Variants in KLC1 observed in about 807,000 individuals in gnomAD.
KLC1 encodes the protein kinesin light chain 1, also known as kinesin 2 60/70kDa.
A neutral mutation model predicts 84.2 loss-of-function variants in KLC1; 30 were observed. The ratio of observed to expected loss-of-function variants is 0.36; its 90% CI spans 0.27 to 0.48. KLC1 has a LOEUF of 0.48. Among genes scored for constraint, KLC1 ranks in the 20% least tolerant of loss-of-function variants. KLC1 has a pLI of 0.99. For synonymous variants in KLC1, 289 were observed against 293.3 expected (o/e 0.99, Z 0.15); for missense variants, 499 against 805.4 (o/e 0.62, Z 4.60).
chr14:103,664,909 G>C (rs140876991), intron 5 of KLC1, among the ~76,000 whole-genome samples: 2 of 143,676 alleles, frequency 1.4e-5, no homozygotes, highest in Non-Finnish European at 3.0e-5. Context: ...TAATATAAAT[G>C]AGTTAAGTAA....
chr14:103,672,957 G>T, intron 7 of KLC1, 57 bp from the exon 8 acceptor site: 1 of 1,487,008 alleles, frequency 6.7e-7, no homozygotes, highest in South Asian at 1.2e-5. Flanking sequence ...GTAGGGTGGA[G>T]AATGGATTGG....
intron 5 of KLC1, among the ~76,000 whole-genome samples, chr14:103,666,785 T>G (rs2079886924): frequency 6.7e-6 from 1 of 148,750 alleles, no homozygotes; most frequent in Non-Finnish European, 1.5e-5. Context: ...TTCTTTTTTT[T>G]TTTTTTTTTG....
At chr14:103,665,410 C>CTGTCT (rs558877161) in intron 5 of KLC1, among the ~76,000 whole-genome samples, 17 of 152,060 alleles carry the variant, frequency 1.1e-4, no homozygotes, top group Middle Eastern at 3.4e-3. Flanking sequence ...GTCTGTCTTT[C>CTGTCT]TGTCTTGTCT....
At chr14:103,678,796 A>G (rs2081133620) in intron 12 of KLC1, among the ~76,000 whole-genome samples, 1 of 152,212 alleles carries the variant, frequency 6.6e-6, no homozygotes, top group South Asian at 2.1e-4. Flanking sequence ...CAAAAAGACA[A>G]CCCAGTTAAA....
intron 1 of KLC1, among the ~76,000 whole-genome samples, chr14:103,646,216 TTC>T (rs1454933146): frequency 1.3e-5 from 2 of 152,222 alleles, no homozygotes; most frequent in Non-Finnish European, 2.9e-5. Flanking sequence ...TCCCAAGGCC[TTC>T]TCTTTTAGTC....
At chr14:103,655,982 C>T (rs989327186) in intron 2 of KLC1, among the ~76,000 whole-genome samples, 1 of 152,198 alleles carries the variant, frequency 6.6e-6, no homozygotes, top group African/African-American at 2.4e-5. Context: ...CTGAGGTACA[C>T]TCTCCTGGAC....
chr14:103,669,697 T>G, intron 6 of KLC1, 99 bp downstream of exon 6: 1 of 843,644 alleles, frequency 1.2e-6, no homozygotes, highest in Admixed American at 1.9e-5. Context: ...AGGGAAAGTT[T>G]AAGTGCTGCC....
chr14:103,633,756 C>T (rs2076857482), intron 1 of KLC1, among the ~76,000 whole-genome samples: 1 of 152,102 alleles, frequency 6.6e-6, no homozygotes, highest in Non-Finnish European at 1.5e-5. Context: ...GAACCAAACC[C>T]ATTCTTGTAG....
intron 15 of KLC1, chr14:103,699,680 C>T: frequency 8.8e-7 from 1 of 1,138,084 alleles, no homozygotes; most frequent in Non-Finnish European, 1.3e-6. Flanking sequence ...CCTTCCTACC[C>T]ACCTGGGGCT....
rs140478281 is a variant in KLC1, at chr14:103,651,571, C to G, written c.-1-2993C>G. Among the ~76,000 whole-genome samples, 452 of 152,254 alleles carry G rather than the reference C, an allele frequency of 3.0e-3. 7 individuals are homozygous for G. The highest frequency in any genetic ancestry group is 0.027 in the Admixed American group (412 of 15,274). ...GTGAGAGGTATCGAGTCTAAATATACATGCCGCTGTCTGTTTCCCTCTGAA... is the reference window on the plus strand; with the variant it reads ...GTGAGAGGTATCGAGTCTAAATATAGATGCCGCTGTCTGTTTCCCTCTGAA... On this transcript the variant is annotated intron_variant, in intron 1 of 16. Coordinates refer to ENST00000334553, the MANE Select transcript of KLC1 (RefSeq NM_001394837.1).
chr14:103,651,525 T>G (rs2078441197), intron 1 of KLC1, among the ~76,000 whole-genome samples: 1 of 152,242 alleles, frequency 6.6e-6, no homozygotes, highest in African/African-American at 2.4e-5. Context: ...TCTTTGGTTA[T>G]AATGGCTTAG....
At chr14:103,654,874 A>G (rs761581202) in intron 2 of KLC1, 49 bp downstream of exon 2, 2 of 1,567,692 alleles carry the variant, frequency 1.3e-6, no homozygotes, top group Non-Finnish European at 1.7e-6. Flanking sequence ...TGATGGTAAA[A>G]TGGAGACTTG....
intron 1 of KLC1, among the ~76,000 whole-genome samples, chr14:103,633,929 C>T (rs2076871159): frequency 6.6e-6 from 1 of 152,104 alleles, no homozygotes; most frequent in African/African-American, 2.4e-5. Flanking sequence ...AGTGCAGTGG[C>T]ATGATCTCAG....
chr14:103,681,456 A>G, intron 13 of KLC1, among the ~76,000 whole-genome samples: 1 of 151,888 alleles, frequency 6.6e-6, no homozygotes. Flanking sequence ...TTTTCTTTTC[A>G]AAGTACACTT....
At chr14:103,692,520 C>A in intron 15 of KLC1, 95 bp downstream of exon 15, 1 of 1,039,378 alleles carries the variant, frequency 9.6e-7, no homozygotes, top group Non-Finnish European at 1.4e-6. Flanking sequence ...GGCCCCTGCT[C>A]CTGCAGAGGG....
intron 1 of KLC1, among the ~76,000 whole-genome samples, chr14:103,648,135 G>C (rs12587954): frequency 3.3e-5 from 5 of 151,910 alleles, no homozygotes; most frequent in African/African-American, 1.2e-4. Context: ...ATTTTTATTA[G>C]AGACGGGGTT....
At chr14:103,686,925 G>A (rs2081813497) in intron 13 of KLC1, 156 bp from the exon 14 acceptor site, 2 of 404,350 alleles carry the variant, frequency 4.9e-6, no homozygotes, top group Non-Finnish European at 9.4e-6. Context: ...GTATATTCAC[G>A]TACATGGTAA....
intron 2 of KLC1, among the ~76,000 whole-genome samples, chr14:103,655,733 C>G (rs1254540661): frequency 2.0e-5 from 3 of 152,124 alleles, no homozygotes; most frequent in Non-Finnish European, 4.4e-5. Flanking sequence ...CTCAGCCTCC[C>G]AAGTAGCTGG....
intron 11 of KLC1, among the ~76,000 whole-genome samples, chr14:103,676,907 C>G (rs1362929877): frequency 1.3e-5 from 2 of 152,216 alleles, no homozygotes; most frequent in East Asian, 3.9e-4. Flanking sequence ...TCTCGGCCAT[C>G]TGCTTATTGC....
Sources: allele counts gnomAD v4.1 joint callset (sites outside exome capture counted in the v4.1 genomes callset), GRCh38; gene constraint gnomAD v4.1.1; transcripts MANE v1.5; gene names NCBI Gene and HGNC (gene_info 2026-07-23, HGNC 2026-07-21).